Variants in ATP2B4 observed in about 807,000 individuals in gnomAD.
ATP2B4 encodes the protein plasma membrane calcium-transporting ATPase 4.
ATP2B4 carries 39 observed loss-of-function variants against 110.3 expected under a neutral mutation model. The ratio of observed to expected loss-of-function variants is 0.35; its 90% CI spans 0.27 to 0.46. The LOEUF is 0.46. Among genes scored for constraint, ATP2B4 ranks in the 20% least tolerant of loss-of-function variants. The pLI is 1.00. For synonymous variants in ATP2B4, 538 were observed against 571.7 expected (o/e 0.94, Z 0.84); for missense variants, 1,135 against 1,530.9 (o/e 0.74, Z 4.32).
In ATP2B4 at chr1:203,720,608, C is replaced by A; in HGVS notation, c.2466C>A (p.Asn822Lys). ...CAGACATCATCCTAACAGATGACAA[C>A]TTCACCAGCATTGTGAAGGCAGTGA... The part of the protein sequence containing the change: ...EASDIILTDD[N>K]FTSIVKAVMW... The change falls in exon 16 of 21, where the codon AAC becomes AAA. Residue 822 changes from asparagine (N) to lysine (K), a missense_variant. This residue lies in a region of ATP2B4 where 70 missense variants were observed against 142.4 expected (regional missense o/e 0.49). Coordinates refer to ENST00000357681, the MANE Select transcript of ATP2B4 (RefSeq NM_001684.5). The A allele has an allele frequency of 6.2e-7, 1 of 1,613,958 alleles. No individual in the cohort carries two copies. The highest frequency in any genetic ancestry group is 8.5e-7 in the Non-Finnish European group (1 of 1,179,884).
intron 1 of ATP2B4, among the ~76,000 whole-genome samples, chr1:203,662,378 T>A (rs959929897): frequency 1.3e-5 from 2 of 152,138 alleles, no homozygotes; most frequent in African/African-American, 4.8e-5. Context: ...ACATTCCCAG[T>A]GTAGGTTTCC....
At chr1:203,710,739 T>C (rs1648639219) in intron 11 of ATP2B4, 138 bp from the exon 12 acceptor site, 3 of 702,304 alleles carry the variant, frequency 4.3e-6, no homozygotes, top group African/African-American at 1.8e-5. Flanking sequence ...AGCTGGGTGA[T>C]GAATGAAGGA....
chr1:203,695,736 T>G (rs1558037760), intron 2 of ATP2B4, among the ~76,000 whole-genome samples: 2 of 121,952 alleles, frequency 1.6e-5, no homozygotes, highest in Non-Finnish European at 3.3e-5. Flanking sequence ...CACATCTACC[T>G]TCCCAGACAG....
chr1:203,713,918 G>A (rs1386378474), intron 14 of ATP2B4, among the ~76,000 whole-genome samples: 1 of 152,186 alleles, frequency 6.6e-6, no homozygotes, highest in Admixed American at 6.5e-5. Flanking sequence ...TGGAAATGGT[G>A]CAGTTTGACC....
At chr1:203,630,464 A>C (rs78902584) in intron 1 of ATP2B4, among the ~76,000 whole-genome samples, 2,212 of 148,140 alleles carry the variant, frequency 0.015, 63 homozygotes, top group African/African-American at 0.053. Flanking sequence ...TTGCAGACCC[A>C]CTAAGCCTTG....
intron 20 of ATP2B4, among the ~76,000 whole-genome samples, chr1:203,731,578 C>T (rs182946726): frequency 6.6e-5 from 10 of 152,126 alleles, no homozygotes; most frequent in East Asian, 1.9e-4. Flanking sequence ...CATGGCCGGG[C>T]GCGGTGGCTC....
intron 1 of ATP2B4, among the ~76,000 whole-genome samples, chr1:203,677,831 A>C (rs1478127337): frequency 6.6e-6 from 1 of 152,138 alleles, no homozygotes; most frequent in East Asian, 1.9e-4. Context: ...CCCTCTCCAG[A>C]GGTCTTCCCT....
chr1:203,724,039 C>T (rs368977313), intron 19 of ATP2B4, 51 bp downstream of exon 19: 18 of 1,490,950 alleles, frequency 1.2e-5, no homozygotes, highest in Non-Finnish European at 1.6e-5. Context: ...GCAGAACTCC[C>T]CTCCTCTACA....
rs201381891 is a variant in ATP2B4, at chr1:203,723,900, G to T, written c.3044G>T (p.Gly1015Val). ...FICQIFIVEF[G>V]GKPFSCTSLS... is the part of the protein sequence containing the mutation. ...TTCTAGATTTTCATCGTGGAATTTG[G>T]GGGTAAACCCTTCAGTTGTACAAGC... The change falls in exon 19 of 21, where the codon GGG becomes GTG. Residue 1015 changes from glycine (G) to valine (V), a missense_variant. Gly to Val is a moderately radical substitution (Grantham distance 109, BLOSUM62 -3). Coordinates refer to ENST00000357681, the MANE Select transcript of ATP2B4 (RefSeq NM_001684.5). The T allele has an allele frequency of 1.4e-5, 23 of 1,608,208 alleles. No individual in the cohort carries two copies. Among genetic ancestry groups the T allele is most frequent in the Admixed American group, 1.7e-5 (1 of 59,042 alleles).
intron 1 of ATP2B4, among the ~76,000 whole-genome samples, chr1:203,656,746 A>G (rs1194278693): frequency 2.0e-5 from 3 of 152,232 alleles, no homozygotes; most frequent in African/African-American, 7.2e-5. Flanking sequence ...ATGAAGTAGG[A>G]TATTTGTATA....
intron 1 of ATP2B4, among the ~76,000 whole-genome samples, chr1:203,661,260 C>G (rs1664330022): frequency 6.6e-6 from 1 of 152,164 alleles, no homozygotes; most frequent in Admixed American, 6.5e-5. Context: ...GAAAGCACCT[C>G]AAAGGCAATA....
chr1:203,668,122 A>G (rs1309287310), intron 1 of ATP2B4, among the ~76,000 whole-genome samples: 3 of 152,064 alleles, frequency 2.0e-5, no homozygotes, highest in Non-Finnish European at 4.4e-5. Flanking sequence ...CAGGGGTTGG[A>G]TTTTAGCATC....
intron 1 of ATP2B4, among the ~76,000 whole-genome samples, chr1:203,632,782 T>C (rs991603666): frequency 3.9e-5 from 6 of 152,044 alleles, no homozygotes; most frequent in African/African-American, 1.4e-4. Context: ...GTGTCATAAA[T>C]TGGAAACTGT....
In ATP2B4 at chr1:203,729,727, A is replaced by G. The variant is rs547407821; in HGVS notation, c.3309+2156A>G. The stretch of plus-strand genomic sequence containing the variant: ...AGGTGCTTCCTGGGGAGCCCTGAGC[A>G]CTTCTCCGTGTTGCTGGCCTCACAT... On this transcript the variant is annotated intron_variant, in intron 20 of 20. Transcript: ENST00000357681. 4.4e-5 allele frequency: 60 copies of G among 1,352,296 alleles called. 1 individual carries two copies. In the South Asian group the frequency reaches 6.9e-4, roughly 16 times the overall value. 83.8% of individuals were successfully genotyped at this position (1,352,296 alleles called of 1,614,324 possible). A position where few individuals can be genotyped will look rare whatever the true frequency, so the allele number is the denominator to read the frequency against.
intron 19 of ATP2B4, among the ~76,000 whole-genome samples, chr1:203,724,407 CT>C (rs1390474103): frequency 3.7e-4 from 55 of 149,972 alleles, no homozygotes; most frequent in African/African-American, 1.4e-3. Flanking sequence ...GTCCCAGCTA[CT>C]CGGGAGGCTG....
intron 2 of ATP2B4, among the ~76,000 whole-genome samples, chr1:203,686,426 G>C (rs892637891): frequency 1.3e-5 from 2 of 152,082 alleles, no homozygotes; most frequent in Admixed American, 1.3e-4. Context: ...CTGATTCCCA[G>C]AGAGCTTCCT....
rs141476643 is a variant in ATP2B4, at chr1:203,638,878, T to C, written c.-465+11659T>C. ...TGTTATTATTAACAATTAAGGTCATTAGCACACAGAAAATGCAAAGAAGTA... is the reference window on the plus strand; with the variant it reads ...TGTTATTATTAACAATTAAGGTCATCAGCACACAGAAAATGCAAAGAAGTA... On this transcript the variant is annotated intron_variant, in intron 1 of 20. Coordinates refer to ENST00000357681, the MANE Select transcript of ATP2B4 (RefSeq NM_001684.5). 1.4e-4 allele frequency among the ~76,000 whole-genome samples: 22 copies of C among 152,276 alleles called. No individual in the cohort carries two copies. In the East Asian group the frequency reaches 1.7e-3, roughly 12 times the overall value.
chr1:203,644,249 TAAAAAAAAAA>T (rs3066210), intron 1 of ATP2B4, among the ~76,000 whole-genome samples: 1 of 109,980 alleles, frequency 9.1e-6, no homozygotes, highest in Admixed American at 9.8e-5. Context: ...GACTCCATCT[TAAAAAAAAAA>T]AAAAAAAAAA....
chr1:203,705,483 C>T (rs1665824364), intron 8 of ATP2B4, among the ~76,000 whole-genome samples: 1 of 152,238 alleles, frequency 6.6e-6, no homozygotes. Flanking sequence ...ACTGCAACCT[C>T]CACCTCCGGG....
Sources: gnomAD v4.1 joint callset for allele counts (sites outside exome capture counted in the v4.1 genomes callset) on GRCh38, gnomAD v4.1.1 for gene constraint, gnomAD v4.1.1 regional missense constraint, MANE v1.5 for transcripts, NCBI Gene and HGNC (gene_info 2026-07-23, HGNC 2026-07-21) for gene names.